Variants in ATP10D observed in about 807,000 individuals in gnomAD.
ATP10D encodes the protein ATPase phospholipid transporting 10D (putative).
A neutral mutation model predicts 144.8 loss-of-function variants in ATP10D; 89 were observed. The ratio of observed to expected loss-of-function variants is 0.61; its 90% confidence interval spans 0.52 to 0.73. The LOEUF (loss-of-function observed/expected upper bound fraction) is 0.73, where lower values mean the gene tolerates loss of function less well. Among genes scored for constraint, ATP10D ranks in the 30% least tolerant of loss-of-function variants. ATP10D has a pLI of 0.00. For missense variants in ATP10D, 1,603 were observed against 1,714.8 expected (o/e 0.93, Z 1.15); for synonymous variants, 571 against 615.1 (o/e 0.93, Z 1.06).
intron 16 of ATP10D, among the ~76,000 whole-genome samples, chr4:47,571,537 C>A (rs1304611941): frequency 6.6e-6 from 1 of 151,944 alleles, no homozygotes; most frequent in East Asian, 1.9e-4. Context: ...CAAGGAAAAC[C>A]AGTATACCTT....
chr4:47,573,041 C>T (rs1720048248), intron 18 of ATP10D, 44 bp downstream of exon 18: 1 of 1,600,680 alleles, frequency 6.2e-7, no homozygotes, highest in South Asian at 1.1e-5. Flanking sequence ...TTCGTACCTT[C>T]CAAGACTGTT....
chr4:47,510,973 T>C (rs950896436), intron 1 of ATP10D, among the ~76,000 whole-genome samples: 3 of 152,204 alleles, frequency 2.0e-5, no homozygotes, highest in African/African-American at 7.2e-5. Flanking sequence ...ACTTAGTATT[T>C]ATGTTCAGTA....
intron 7 of ATP10D, among the ~76,000 whole-genome samples, 176 bp from the exon 8 acceptor site, chr4:47,536,261 A>AAG (rs111273743): frequency 0.01 from 1,538 of 150,184 alleles, 25 homozygotes; most frequent in African/African-American, 0.032. Context: ...GACTTAAAGA[A>AAG]AGAGAGAGAG....
chr4:47,537,034 G>A, intron 9 of ATP10D, 96 bp downstream of exon 9: 1 of 1,419,148 alleles, frequency 7.0e-7, no homozygotes, highest in Non-Finnish European at 9.5e-7. Flanking sequence ...CATAGAAGTG[G>A]TTTATTTAAT....
At chr4:47,512,965 C>T (rs529257762) in intron 2 of ATP10D, 135 bp downstream of exon 2, 1 of 890,362 alleles carries the variant, frequency 1.1e-6, no homozygotes, top group Admixed American at 3.0e-5. Flanking sequence ...TGATACAAAT[C>T]TGTTGTGGAA....
At chr4:47,524,270 G>A (rs10212680) in intron 4 of ATP10D, among the ~76,000 whole-genome samples, 41 of 151,812 alleles carry the variant, frequency 2.7e-4, no homozygotes, top group African/African-American at 7.7e-4. Context: ...GGGTTACTCC[G>A]TCTTACACTT....
Position 47,587,007 on chromosome 4 carries a change from C to T in ATP10D, c.3754-12C>T. ...CAGAGCATTCATTTCCTCTGCTCTT[C>T]TTGTCTTACAGACTTGGATTCACTT... On this transcript the variant is annotated splice_polypyrimidine_tract_variant and intron_variant, in intron 21 of 22. Coordinates refer to ENST00000273859, the MANE Select transcript of ATP10D (RefSeq NM_020453.4). 1 of 1,612,832 alleles carries T rather than the reference C, an allele frequency of 6.2e-7. No individual in the cohort carries two copies. The highest frequency in any genetic ancestry group is 8.5e-7 in the Non-Finnish European group (1 of 1,179,110).
At chr4:47,567,321 A>T (rs542770130) in intron 15 of ATP10D, among the ~76,000 whole-genome samples, 4 of 152,378 alleles carry the variant, frequency 2.6e-5, no homozygotes, top group Admixed American at 1.3e-4. Context: ...TGAAAAAAAT[A>T]GTTAATTTGT....
At chr4:47,518,262 G>A (rs548707574) in intron 3 of ATP10D, among the ~76,000 whole-genome samples, 6 of 152,136 alleles carry the variant, frequency 3.9e-5, no homozygotes, top group Admixed American at 1.3e-4. Context: ...TTCACAAGGC[G>A]CTTAATTTTC....
intron 18 of ATP10D, 61 bp from the exon 19 acceptor site, chr4:47,576,712 T>C: frequency 6.7e-7 from 1 of 1,502,448 alleles, no homozygotes; most frequent in Non-Finnish European, 9.2e-7. Context: ...GCATTTGGAA[T>C]GTGTAATCAT....
chr4:47,513,836 G>C (rs1228787063), intron 2 of ATP10D, among the ~76,000 whole-genome samples: 1 of 152,206 alleles, frequency 6.6e-6, no homozygotes, highest in Non-Finnish European at 1.5e-5. Flanking sequence ...GTGGTGGGTA[G>C]ATGAAAAGAC....
chr4:47,577,541 C>CA (rs111477133), intron 19 of ATP10D, among the ~76,000 whole-genome samples: 38,711 of 152,036 alleles, frequency 0.25, 4,935 homozygotes, highest in Admixed American at 0.32. Context: ...GAAGATAATA[C>CA]GGTACAACTT....
intron 12 of ATP10D, 106 bp from the exon 13 acceptor site, chr4:47,558,817 T>G: frequency 1.1e-6 from 1 of 910,562 alleles, no homozygotes; most frequent in Non-Finnish European, 1.7e-6. Flanking sequence ...ACCAGAAGGC[T>G]TTTTTATTTG....
intron 5 of ATP10D, among the ~76,000 whole-genome samples, chr4:47,532,933 T>C (rs879620947): frequency 6.6e-5 from 10 of 152,158 alleles, no homozygotes; most frequent in Non-Finnish European, 1.0e-4. Context: ...GGAAGCTGTA[T>C]GTGACAGCCA....
intron 22 of ATP10D, among the ~76,000 whole-genome samples, chr4:47,588,812 A>C (rs959363744): frequency 2.5e-4 from 38 of 152,222 alleles, no homozygotes; most frequent in Admixed American, 7.2e-4. Context: ...CTGAAAAAAC[A>C]ATTACTTAAA....
intron 17 of ATP10D, 115 bp downstream of exon 17, chr4:47,572,345 G>A (rs1390282986): frequency 1.1e-5 from 10 of 877,082 alleles, no homozygotes; most frequent in Non-Finnish European, 1.8e-5. Context: ...TAGCTGAGGA[G>A]TGGGAGACAG....
chr4:47,525,859 T>C (rs1717219303), intron 5 of ATP10D, among the ~76,000 whole-genome samples: 1 of 152,262 alleles, frequency 6.6e-6, no homozygotes, highest in Non-Finnish European at 1.5e-5. Context: ...AGGTATCTTG[T>C]GGCATCCATA....
At chr4:47,575,955 G>A (rs1159016817) in intron 18 of ATP10D, among the ~76,000 whole-genome samples, 2 of 132,954 alleles carry the variant, frequency 1.5e-5, no homozygotes, top group Non-Finnish European at 3.1e-5. Flanking sequence ...TTTTTGAGAC[G>A]GAGTCTCGCT....
intron 5 of ATP10D, among the ~76,000 whole-genome samples, chr4:47,526,908 C>A (rs182459642): frequency 4.6e-5 from 7 of 152,216 alleles, no homozygotes; most frequent in Admixed American, 4.6e-4. Context: ...TCTATAGAGT[C>A]AGTGAAATCC....
Sources: gnomAD v4.1 joint callset for allele counts (sites outside exome capture counted in the v4.1 genomes callset) on GRCh38, gnomAD v4.1.1 for gene constraint, MANE v1.5 for transcripts, NCBI Gene and HGNC (gene_info 2026-07-23, HGNC 2026-07-21) for gene names.